The following LTK variants were observed in gnomAD, a reference collection of about 807,000 sequenced individuals.
LTK encodes the protein leukocyte receptor tyrosine kinase.
LTK carries 117 observed loss-of-function variants against 101.5 expected under a neutral mutation model. The observed-to-expected ratio is 1.15, with a 90% CI of 0.99 to 1.34. The LOEUF is 1.34. Ranked by LOEUF, LTK falls within the 40% of genes most tolerant of loss-of-function variation. The probability of loss-of-function intolerance (pLI) is 0.00; values close to 1 mark genes in which losing one functional copy is unlikely to be tolerated. For synonymous variants in LTK, 563 were observed against 494.2 expected (o/e 1.14, Z -1.85); for missense variants, 1,252 against 1,164.7 (o/e 1.07, Z -1.09).
chr15:41,511,434 C>T lies in LTK; in HGVS notation c.802G>A (p.Gly268Ser). Residue 268 changes from glycine to serine, a missense_variant, in exon 6 of 20, where the codon GGC (glycine) becomes AGC (serine). Coordinates refer to ENST00000263800, the MANE Select transcript of LTK (RefSeq NM_002344.6). This position sits in a 1 kb window ranked among gnomAD's most constrained non-coding sequence, Gnocchi z 5.9. Reference sequence around the variant, plus strand: ...CCCGCGCCCTCACCTGCCGCCCCGCCTCTCCCGCCGCTCCCGGGCGCCTCC... The same window carrying T: ...CCCGCGCCCTCACCTGCCGCCCCGCTTCTCCCGCCGCTCCCGGGCGCCTCC... ...RSEAPGSGGRGGAAGGGGGWT... is the reference protein window; with the variant it reads ...RSEAPGSGGRSGAAGGGGGWT... The T allele has an allele frequency of 7.2e-7, 1 of 1,395,712 alleles. No homozygotes were observed. The highest frequency in any genetic ancestry group is 9.2e-7 in the Non-Finnish European group (1 of 1,083,734). The allele number at this position is 1,395,712 out of a possible 1,614,324, so 86.5% of individuals were successfully genotyped here.
In LTK at chr15:41,504,501, C is replaced by G; in HGVS notation, c.2255+5G>C. On this transcript the variant is annotated splice_donor_5th_base_variant and intron_variant, in intron 18 of 19. Transcript: ENST00000263800. Reference sequence around the variant, plus strand: ...ACCTCCCTTCCCGGGCAGCACTCAACTCACACAGGCCCTGGGCAGCCCCTA... The same window carrying G: ...ACCTCCCTTCCCGGGCAGCACTCAAGTCACACAGGCCCTGGGCAGCCCCTA... The G allele has an allele frequency of 1.2e-6, 2 of 1,613,160 alleles. No individual in the cohort carries two copies. Among genetic ancestry groups the G allele is most frequent in the South Asian group, 2.2e-5 (2 of 91,030 alleles).
rs1298138653 is a variant in LTK at position 41,504,873 on chromosome 15, C to T, written c.2020G>A (p.Ala674Thr). Residue 674 changes from alanine to threonine, a missense_variant and splice_region_variant, in exon 17 of 20, where the codon GCC becomes ACC. Coordinates refer to ENST00000263800, the MANE Select transcript of LTK (RefSeq NM_002344.6). ...DFGMARDIYR[A>T]SYYRRGDRAL... ...CGGTCCCCCCTGCGGTAATAACTGG[C>T]CCTACAGGAGGGAGGAGGTGAATGA... 8 of 1,611,636 alleles carry T rather than the reference C, an allele frequency of 5.0e-6. No individual in the cohort carries two copies. The highest frequency in any genetic ancestry group is 6.8e-6 in the Non-Finnish European group (8 of 1,179,086).
intron 14 of LTK, 31 bp from the exon 15 acceptor site, chr15:41,505,336 G>A: frequency 6.2e-7 from 1 of 1,613,332 alleles, no homozygotes; most frequent in Non-Finnish European, 8.5e-7. Flanking sequence ...ATCAGTCCAT[G>A]TAGGTCTCAG....
chr15:41,511,540 G>T lies in LTK; in HGVS notation c.696C>A (p.Ala232=), dbSNP rs761492381. 1.4e-6 allele frequency: 2 copies of T among 1,455,212 alleles called. No individual in the cohort carries two copies. Among genetic ancestry groups the T allele is most frequent in the East Asian group, 5.5e-5 (2 of 36,220 alleles). The allele number at this position is 1,455,212 out of a possible 1,614,324, so 90.1% of individuals were successfully genotyped here. ...TCAGGTAGGCCCGACCGCCGCCTCC[G>T]GCCGCCACCAGCAACGGTTCCAGCT... The part of the protein sequence containing the change: ...AGELEPLLVA[A]GGGGRAYLRP... The change falls in exon 6 of 20, where the codon GCC becomes GCA. Residue 232 remains alanine (A), a synonymous_variant. Coordinates refer to ENST00000263800, the MANE Select transcript of LTK (RefSeq NM_002344.6). This position sits in a 1 kb window ranked among gnomAD's most constrained non-coding sequence, Gnocchi z 5.9.
intron 16 of LTK, 47 bp downstream of exon 16, chr15:41,504,925 G>A: frequency 6.3e-7 from 1 of 1,598,364 alleles, no homozygotes; most frequent in South Asian, 1.1e-5. Flanking sequence ...AAGGTGCGGG[G>A]AAAACCCCCT....
chr15:41,505,676 T>G (rs750516447), intron 13 of LTK, 37 bp downstream of exon 13: 2 of 1,612,170 alleles, frequency 1.2e-6, no homozygotes, highest in East Asian at 2.2e-5. Context: ...GGCATTCCCC[T>G]CCCGCCTTCC....
chr15:41,510,045 C>T (rs1260376709), intron 7 of LTK, among the ~76,000 whole-genome samples: 2 of 151,972 alleles, frequency 1.3e-5, no homozygotes, highest in Non-Finnish European at 2.9e-5. Context: ...CTTGCTCTGT[C>T]ACCCAGGCTG....
In LTK at chr15:41,511,938, C is replaced by A; in HGVS notation, c.536G>T (p.Cys179Phe). ...PGGSPESQLV[C>F]LGESRAVEEH... ...TTCAACGGCTCGAGACTCCCCGAGG[C>A]AGACGAGCTGGCTCTCCGGGCTACC... Residue 179 changes from cysteine to phenylalanine, a missense_variant, in exon 5 of 20, where the codon TGC (cysteine) becomes TTC (phenylalanine). Transcript: ENST00000263800. This position sits in a 1 kb window ranked among gnomAD's most constrained non-coding sequence, Gnocchi z 5.9. 6.7e-7 allele frequency: 1 copy of A among 1,497,572 alleles called. No homozygotes were observed. The highest frequency in any genetic ancestry group is 8.8e-7 in the Non-Finnish European group (1 of 1,138,110). The allele number at this position is 1,497,572 out of a possible 1,614,324, so 92.8% of individuals were successfully genotyped here.
At position 41,503,969 on chromosome 15, in the gene LTK, G is replaced by A; in HGVS notation, c.*27C>T. The A allele has an allele frequency of 6.4e-7, 1 of 1,569,796 alleles. No homozygotes were observed. Among genetic ancestry groups the A allele is most frequent in the Non-Finnish European group, 8.6e-7 (1 of 1,160,214 alleles). On this transcript the variant is annotated 3_prime_UTR_variant, in exon 20 of 20. Coordinates refer to ENST00000263800, the MANE Select transcript of LTK (RefSeq NM_002344.6). ...ATAGGGAGGGACCCTCAGTGCCTCAGTCCTTACCCTCAGGGCCCCTTGGGG... is the reference window on the plus strand; with the variant it reads ...ATAGGGAGGGACCCTCAGTGCCTCAATCCTTACCCTCAGGGCCCCTTGGGG...
Position 41,507,206 on chromosome 15 carries a change from A to G in LTK, c.1430T>C (p.Ile477Thr). The G allele has an allele frequency of 6.2e-7, 1 of 1,613,772 alleles. No homozygotes were observed. The highest frequency in any genetic ancestry group is 8.5e-7 in the Non-Finnish European group (1 of 1,179,898). The stretch of plus-strand genomic sequence containing the variant: ...ATAATAGGGATTGGGGGCTGTCCTG[A>G]TGGCAGAGGTTCGAAGCTTGCTCAG... ...LELSKLRTSA[I>T]RTAPNPYYCQ... Residue 477 changes from isoleucine (I) to threonine (T), a missense_variant, in exon 11 of 20, where the codon ATC (isoleucine) becomes ACC (threonine). Coordinates refer to ENST00000263800, the MANE Select transcript of LTK (RefSeq NM_002344.6).
At chr15:41,504,272 G>A (rs778846377) in intron 19 of LTK, 28 bp from the exon 20 acceptor site, 31 of 1,608,258 alleles carry the variant, frequency 1.9e-5, no homozygotes, top group Non-Finnish European at 2.6e-5. Context: ...GGGAGCAGGG[G>A]GGCATAGAGT....
In LTK at chr15:41,512,942, G is replaced by A. The variant is rs1566876586; in HGVS notation, c.187+35C>T. The A allele has an allele frequency of 1.9e-6, 3 of 1,612,942 alleles. No homozygotes were observed. The Admixed American group carries it at 5.0e-5, about 27-fold the overall frequency. On this transcript the variant is annotated intron_variant, in intron 2 of 19. Transcript: ENST00000263800. The stretch of plus-strand genomic sequence containing the variant: ...GGCTGGGCCAGAGGGGTCTGGTATG[G>A]TGAGCGAAAGAGGAAGGAGGCGTCT...
rs761454383 is a variant in LTK at position 41,504,328 on chromosome 15, G to A, written c.2346+14C>T. The A allele has an allele frequency of 3.7e-6, 6 of 1,613,840 alleles. No individual in the cohort carries two copies. In the African/African-American group the frequency reaches 6.7e-5, roughly 18 times the overall value. ...CCCACAAGACCAGGATGTTAGATTA[G>A]GTCGGGGGCACACCTGAGTGCAGTA... On this transcript the variant is annotated intron_variant, in intron 19 of 19. Coordinates refer to ENST00000263800, the MANE Select transcript of LTK (RefSeq NM_002344.6).
chr15:41,509,216 G>T, intron 7 of LTK, 87 bp from the exon 8 acceptor site: 1 of 815,720 alleles, frequency 1.2e-6, no homozygotes, highest in Non-Finnish European at 2.2e-6. Flanking sequence ...TCCCAGTGTG[G>T]CCCTCTCTTC....
intron 7 of LTK, 90 bp from the exon 8 acceptor site, chr15:41,509,219 C>G: frequency 1.3e-6 from 1 of 795,868 alleles, no homozygotes. Context: ...CAGTGTGGCC[C>G]TCTCTTCTCC....
chr15:41,505,629 G>C, intron 13 of LTK, 84 bp downstream of exon 13: 1 of 1,602,194 alleles, frequency 6.2e-7, no homozygotes, highest in Non-Finnish European at 8.5e-7. Context: ...CCCCTGACTT[G>C]CTACCTCAGC....
intron 17 of LTK, 29 bp downstream of exon 17, chr15:41,504,744 G>T: frequency 6.3e-7 from 1 of 1,579,528 alleles, no homozygotes; most frequent in Non-Finnish European, 8.6e-7. Flanking sequence ...GGGGAACAGT[G>T]GGGAAGGGGA....
rs2051454187 is a variant in LTK, at chr15:41,511,381, C to A, written c.815-35G>T. 1.5e-6 allele frequency: 2 copies of A among 1,365,460 alleles called. No homozygotes were observed. The highest frequency in any genetic ancestry group is 9.4e-7 in the Non-Finnish European group (1 of 1,067,960). 84.6% of individuals were successfully genotyped at this position (1,365,460 alleles called of 1,614,324 possible). A position where few individuals can be genotyped will look rare whatever the true frequency, so the allele number is the denominator to read the frequency against. On this transcript the variant is annotated intron_variant, in intron 6 of 19. Coordinates refer to ENST00000263800, the MANE Select transcript of LTK (RefSeq NM_002344.6). This position sits in a 1 kb window ranked among gnomAD's most constrained non-coding sequence, Gnocchi z 5.9. The stretch of plus-strand genomic sequence containing the variant: ...GACAGCAGGAAGGTTGGCAGCCACA[C>A]GGGGAGCACGCCCGCCTCTCCCCGC...
In LTK at chr15:41,511,635, C is replaced by CA; in HGVS notation, c.658-58dup. On this transcript the variant is annotated intron_variant, in intron 5 of 19. Coordinates refer to ENST00000263800, the MANE Select transcript of LTK (RefSeq NM_002344.6). The surrounding 1 kb of genome is among the most constrained non-coding windows in gnomAD (Gnocchi z 5.9). ...CCCTCCAGCTGTCCAGGGGCACTGC[C>CA]ACTGGGAGAGGGCTCCCGCCCAGGG... 2 of 1,410,762 alleles carry CA rather than the reference C, an allele frequency of 1.4e-6. No individual in the cohort carries two copies. The highest frequency in any genetic ancestry group is 1.8e-6 in the Non-Finnish European group (2 of 1,094,532). 87.4% of individuals were successfully genotyped at this position (1,410,762 alleles called of 1,614,324 possible).
Sources: gnomAD v4.1 joint callset for allele counts (sites outside exome capture counted in the v4.1 genomes callset) on GRCh38, gnomAD v4.1.1 for gene constraint, Gnocchi (gnomAD v3.1) non-coding constraint, MANE v1.5 for transcripts, NCBI Gene and HGNC (gene_info 2026-07-23, HGNC 2026-07-21) for gene names.